The following SH3BGRL2 variants were observed in gnomAD, a reference collection of about 807,000 sequenced individuals.
SH3BGRL2 encodes SH3 domain-binding glutamic acid-rich-like protein 2.
Under a neutral mutation model 14.8 loss-of-function variants are expected in SH3BGRL2, and 21 were observed. That is an observed-to-expected ratio of 1.42 (90% CI 1.01 to 2.05). The LOEUF is 2.05. SH3BGRL2 is among the 30% of genes most tolerant of loss of function. SH3BGRL2 has a pLI of 0.00. For missense variants in SH3BGRL2, 147 were observed against 130.8 expected (o/e 1.12, Z -0.61); for synonymous variants, 50 against 47.8 (o/e 1.05, Z -0.19).
chr6:79,681,728 G>A (rs1769991525), intron 2 of SH3BGRL2, among the ~76,000 whole-genome samples: 1 of 152,104 alleles, frequency 6.6e-6, no homozygotes, highest in Non-Finnish European at 1.5e-5. Context: ...ACTATCCTGG[G>A]ATCAGAAGTG....
intron 1 of SH3BGRL2, among the ~76,000 whole-genome samples, chr6:79,649,817 C>A (rs1769244871): frequency 6.6e-6 from 1 of 152,142 alleles, no homozygotes; most frequent in Non-Finnish European, 1.5e-5. Context: ...CTTTGCACTG[C>A]ATCAAATTAG....
the SH3BGRL2 span, among the ~76,000 whole-genome samples, chr6:79,614,157 G>C: frequency 6.6e-6 from 1 of 152,158 alleles, no homozygotes; most frequent in Non-Finnish European, 1.5e-5. Context: ...ATAGTATTGT[G>C]GCTGAGTGAT....
chr6:79,696,578 T>C lies in SH3BGRL2; in HGVS notation c.312+13T>C, dbSNP rs1770336757. 1 of 1,530,734 alleles carries C rather than the reference T, an allele frequency of 6.5e-7. No individual in the cohort carries two copies. The highest frequency in any genetic ancestry group is 8.8e-7 in the Non-Finnish European group (1 of 1,138,564). The allele number at this position is 1,530,734 out of a possible 1,614,324, so 94.8% of individuals were successfully genotyped here. ...GTTGGCATCAAAGGTAGGTAAATCT[T>C]TTCTTATTCTTGTTTTAGAATTCAT... On this transcript the variant is annotated intron_variant, in intron 3 of 3. Coordinates refer to ENST00000369838, the MANE Select transcript of SH3BGRL2 (RefSeq NM_031469.4).
rs867987444 is a variant in SH3BGRL2, at chr6:79,702,424, A to T, written c.*2915A>T. ...ATATAATTATTGTTTTCAGATTTCA[A>T]CTTGTATGTGTTTGTCTCTTAAAGC... is the stretch of plus-strand genomic sequence containing the variant. On this transcript the variant is annotated 3_prime_UTR_variant, in exon 4 of 4. Coordinates refer to ENST00000369838, the MANE Select transcript of SH3BGRL2 (RefSeq NM_031469.4). The T allele has an allele frequency of 3.3e-5, 5 of 152,580 alleles. No homozygotes were observed. Among genetic ancestry groups the T allele is most frequent in the Non-Finnish European group, 5.9e-5 (4 of 68,036 alleles). The allele number at this position is 152,580 out of a possible 1,614,324, so 9.5% of individuals were successfully genotyped here.
intron 1 of SH3BGRL2, 87 bp from the exon 2 acceptor site, chr6:79,673,527 A>T: frequency 7.5e-7 from 1 of 1,331,084 alleles, no homozygotes; most frequent in Admixed American, 2.2e-5. Flanking sequence ...TTTTTGTATC[A>T]ATGACATAAA....
chr6:79,545,898 C>T, the SH3BGRL2 span, among the ~76,000 whole-genome samples: 5 of 152,050 alleles, frequency 3.3e-5, no homozygotes, highest in African/African-American at 1.2e-4. Context: ...TGCATACAAC[C>T]TTGGTAAGCA....
the SH3BGRL2 span, among the ~76,000 whole-genome samples, chr6:79,590,300 G>T: frequency 6.6e-6 from 1 of 151,374 alleles, no homozygotes; most frequent in African/African-American, 2.4e-5. Flanking sequence ...ATGCCCAAAA[G>T]AAAATAAATT....
At chr6:79,623,517 C>A in the SH3BGRL2 span, among the ~76,000 whole-genome samples, 20 of 152,240 alleles carry the variant, frequency 1.3e-4, no homozygotes, top group Non-Finnish European at 2.8e-4. Context: ...CCCTTGAAAG[C>A]TGCTATTTAA....
the SH3BGRL2 span, among the ~76,000 whole-genome samples, chr6:79,620,420 T>C: frequency 6.6e-6 from 1 of 151,988 alleles, no homozygotes; most frequent in East Asian, 1.9e-4. Context: ...GTTAGGCGCA[T>C]GATTATTGCC....
chr6:79,650,815 C>T (rs1351627793), intron 1 of SH3BGRL2, among the ~76,000 whole-genome samples: 1 of 151,868 alleles, frequency 6.6e-6, no homozygotes, highest in Non-Finnish European at 1.5e-5. Flanking sequence ...CAGGTGAGGG[C>T]ATCCAGACTT....
At chr6:79,540,305 G>A in the SH3BGRL2 span, among the ~76,000 whole-genome samples, 1 of 152,060 alleles carries the variant, frequency 6.6e-6, no homozygotes, top group South Asian at 2.1e-4. Flanking sequence ...CGTGGTGGCG[G>A]GTGCCTGTAG....
At position 79,631,376 on chromosome 6, in the gene SH3BGRL2, C is replaced by T. The variant is rs902616478; in HGVS notation, c.-86C>T. ...CGGCAGCGCTTTACCCAGAGGCTGCCGGCGGCTCGTAGCTGGGTTCAGCTC... is the reference window on the plus strand; with the variant it reads ...CGGCAGCGCTTTACCCAGAGGCTGCTGGCGGCTCGTAGCTGGGTTCAGCTC... On this transcript the variant is annotated 5_prime_UTR_variant, in exon 1 of 4. Coordinates refer to ENST00000369838, the MANE Select transcript of SH3BGRL2 (RefSeq NM_031469.4). The T allele has an allele frequency of 4.0e-6, 5 of 1,262,544 alleles. No homozygotes were observed. Among genetic ancestry groups the T allele is most frequent in the Admixed American group, 3.2e-5 (1 of 31,218 alleles). The allele number at this position is 1,262,544 out of a possible 1,614,324, so 78.2% of individuals were successfully genotyped here.
chr6:79,575,801 A>G, the SH3BGRL2 span, among the ~76,000 whole-genome samples: 8 of 152,062 alleles, frequency 5.3e-5, no homozygotes, highest in Non-Finnish European at 8.8e-5. Context: ...TATTTTATCT[A>G]TTCTCAAATT....
chr6:79,569,577 T>TCAATTGTGCCTGAATTC, the SH3BGRL2 span, among the ~76,000 whole-genome samples: 1 of 152,142 alleles, frequency 6.6e-6, no homozygotes, highest in African/African-American at 2.4e-5. Context: ...TTAATGCTGG[T>TCAATTGTGCCTGAATTC]CAATTGTGCC....
the SH3BGRL2 span, among the ~76,000 whole-genome samples, chr6:79,554,136 T>A: frequency 3.1e-5 from 2 of 64,322 alleles, no homozygotes; most frequent in East Asian, 6.9e-3. Context: ...AGTCGAGCCA[T>A]GTTGAGAAAT....
the SH3BGRL2 span, among the ~76,000 whole-genome samples, chr6:79,581,033 A>G: frequency 2.0e-5 from 3 of 152,216 alleles, no homozygotes; most frequent in Non-Finnish European, 4.4e-5. Flanking sequence ...AAACTAGAAA[A>G]TCTACAAGAA....
chr6:79,595,091 G>A, the SH3BGRL2 span, among the ~76,000 whole-genome samples: 1 of 152,176 alleles, frequency 6.6e-6, no homozygotes, highest in Non-Finnish European at 1.5e-5. Context: ...TTTGAGACCA[G>A]CCTGATGAAC....
chr6:79,627,097 G>C (rs1404151288), upstream of SH3BGRL2, among the ~76,000 whole-genome samples: 5 of 152,108 alleles, frequency 3.3e-5, no homozygotes, highest in Non-Finnish European at 7.4e-5. Flanking sequence ...CCACAGACTA[G>C]CTTCCTCTTT....
chr6:79,590,455 A>ATATATATATATG, the SH3BGRL2 span, among the ~76,000 whole-genome samples: 518 of 116,114 alleles, frequency 4.5e-3, 40 homozygotes, highest in East Asian at 0.059. Context: ...ATATATATAT[A>ATATATATATATG]TATATATATG....
Sources: gnomAD v4.1 joint callset for allele counts (sites outside exome capture counted in the v4.1 genomes callset) on GRCh38, gnomAD v4.1.1 for gene constraint, MANE v1.5 for transcripts, NCBI Gene and HGNC (gene_info 2026-07-23, HGNC 2026-07-21) for gene names.